The following NLGN1 variants were observed in gnomAD, a reference collection of about 807,000 sequenced individuals.
NLGN1 encodes neuroligin 1.
In NLGN1, 12 loss-of-function variants were observed where a neutral mutation model predicts 65.5. That is an observed-to-expected ratio of 0.18 (90% CI 0.12 to 0.30). The LOEUF (loss-of-function observed/expected upper bound fraction) is 0.30. Ranked by LOEUF, NLGN1 falls within the 10% of genes least tolerant of loss-of-function variation. The pLI is 1.00. For synonymous variants in NLGN1, 350 were observed against 359.5 expected (o/e 0.97, Z 0.30); for missense variants, 750 against 1,007.1 (o/e 0.74, Z 3.46).
At chr3:173,506,603 C>G (rs1417745124) in intron 2 of NLGN1, among the ~76,000 whole-genome samples, 1 of 152,016 alleles carries the variant, frequency 6.6e-6, no homozygotes, top group Non-Finnish European at 1.5e-5. Flanking sequence ...AGCTATTAAA[C>G]CTGCTACTAT....
At chr3:173,709,135 A>G (rs1470514238) in intron 3 of NLGN1, among the ~76,000 whole-genome samples, 1 of 152,188 alleles carries the variant, frequency 6.6e-6, no homozygotes, top group Non-Finnish European at 1.5e-5. Context: ...TATGGCAGCA[A>G]TCACACTAAT....
At chr3:173,791,417 C>T (rs946660830) in intron 3 of NLGN1, among the ~76,000 whole-genome samples, 1 of 152,018 alleles carries the variant, frequency 6.6e-6, no homozygotes, top group African/African-American at 2.4e-5. Flanking sequence ...TAATGATATC[C>T]ACTACTGAGA....
At chr3:173,541,636 A>G (rs1738880732) in intron 2 of NLGN1, among the ~76,000 whole-genome samples, 1 of 152,134 alleles carries the variant, frequency 6.6e-6, no homozygotes, top group Admixed American at 6.6e-5. Flanking sequence ...GAAGTGGTAA[A>G]CTTTCTGATT....
At chr3:174,204,848 GGT>G (rs1491104089) in intron 4 of NLGN1, among the ~76,000 whole-genome samples, 1 of 65,242 alleles carries the variant, frequency 1.5e-5, no homozygotes, top group African/African-American at 5.8e-5. Context: ...ACTTCAAACA[GGT>G]TTTTTTTTTA....
At chr3:174,135,792 C>G (rs1252646408) in intron 4 of NLGN1, among the ~76,000 whole-genome samples, 1 of 152,058 alleles carries the variant, frequency 6.6e-6, no homozygotes, top group Admixed American at 6.6e-5. Context: ...CGATCAAGAA[C>G]TATCTTGACT....
intron 4 of NLGN1, among the ~76,000 whole-genome samples, chr3:174,105,941 CA>C (rs538907189): frequency 1.4e-3 from 210 of 152,170 alleles, no homozygotes; most frequent in African/African-American, 4.9e-3. Flanking sequence ...AACAGAGGAT[CA>C]TTTTTTGACT....
intron 4 of NLGN1, among the ~76,000 whole-genome samples, chr3:174,036,289 A>G (rs552614185): frequency 1.3e-5 from 2 of 152,276 alleles, no homozygotes; most frequent in South Asian, 4.1e-4. Context: ...AGTACTGATT[A>G]TGTGATTTAG....
chr3:174,241,126 A>G, intron 4 of NLGN1, among the ~76,000 whole-genome samples: 1 of 152,190 alleles, frequency 6.6e-6, no homozygotes, highest in East Asian at 1.9e-4. Context: ...TGAACCCTAC[A>G]TTTTTATTTA....
chr3:173,897,505 A>G (rs984059854), intron 4 of NLGN1, among the ~76,000 whole-genome samples: 2 of 152,194 alleles, frequency 1.3e-5, no homozygotes, highest in African/African-American at 4.8e-5. Flanking sequence ...CTAAGGTTAG[A>G]TGAGTTGTTG....
chr3:173,550,361 A>G (rs1740631863), intron 2 of NLGN1, among the ~76,000 whole-genome samples: 1 of 152,092 alleles, frequency 6.6e-6, no homozygotes, highest in Non-Finnish European at 1.5e-5. Flanking sequence ...GCACACATGC[A>G]TGTTGTCAAG....
intron 2 of NLGN1, among the ~76,000 whole-genome samples, chr3:173,464,775 A>G (rs912919717): frequency 2.6e-5 from 4 of 152,200 alleles, no homozygotes; most frequent in Non-Finnish European, 5.9e-5. Context: ...TTAATGAACA[A>G]AATAATTATT....
intron 4 of NLGN1, among the ~76,000 whole-genome samples, chr3:174,265,125 GTCTT>G (rs1747783699): frequency 2.0e-5 from 3 of 151,752 alleles, no homozygotes; most frequent in Admixed American, 6.6e-5. Flanking sequence ...GGTTATTGCT[GTCTT>G]TTTGTTTGTC....
At chr3:173,796,287 C>G (rs1271116662) in intron 3 of NLGN1, among the ~76,000 whole-genome samples, 1 of 151,542 alleles carries the variant, frequency 6.6e-6, no homozygotes, top group Non-Finnish European at 1.5e-5. Context: ...AATTATTCTC[C>G]TGTTAACTAC....
At chr3:173,989,361 A>G (rs935647241) in intron 4 of NLGN1, among the ~76,000 whole-genome samples, 6 of 152,196 alleles carry the variant, frequency 3.9e-5, no homozygotes, top group Admixed American at 3.9e-4. Flanking sequence ...ACCACAGAAT[A>G]ATAATACTCC....
chr3:174,159,084 C>T (rs1437857136), intron 4 of NLGN1, among the ~76,000 whole-genome samples: 1 of 151,626 alleles, frequency 6.6e-6, no homozygotes, highest in Non-Finnish European at 1.5e-5. Flanking sequence ...TCAGGAATAG[C>T]CAGGCTGCTA....
At chr3:173,645,605 A>T (rs1057466458) in intron 3 of NLGN1, among the ~76,000 whole-genome samples, 5 of 152,192 alleles carry the variant, frequency 3.3e-5, no homozygotes, top group African/African-American at 1.2e-4. Context: ...CACAATGGTA[A>T]CCTAGAGGAA....
At chr3:174,062,618 A>C (rs768300829) in intron 4 of NLGN1, among the ~76,000 whole-genome samples, 11 of 152,094 alleles carry the variant, frequency 7.2e-5, no homozygotes, top group Non-Finnish European at 1.2e-4. Flanking sequence ...TAGAATCAGA[A>C]TAGTGTATGT....
intron 4 of NLGN1, among the ~76,000 whole-genome samples, chr3:174,213,914 A>G (rs1451073473): frequency 1.3e-5 from 2 of 152,130 alleles, no homozygotes; most frequent in African/African-American, 4.8e-5. Flanking sequence ...TCATGATGCT[A>G]TTTTACCATA....
At chr3:173,831,070 TA>T (rs1722460410) in intron 4 of NLGN1, among the ~76,000 whole-genome samples, 1 of 152,196 alleles carries the variant, frequency 6.6e-6, no homozygotes, top group Non-Finnish European at 1.5e-5. Context: ...TATTTTCACT[TA>T]ACATCATGGT....
Sources: allele counts gnomAD v4.1 joint callset (sites outside exome capture counted in the v4.1 genomes callset), GRCh38; gene constraint gnomAD v4.1.1; transcripts MANE v1.5; gene names NCBI Gene and HGNC (gene_info 2026-07-23, HGNC 2026-07-21).